The following CDH18 variants were observed in gnomAD, a reference collection of about 807,000 sequenced individuals.
CDH18 encodes cadherin 18.
Under a neutral mutation model 67.9 loss-of-function variants are expected in CDH18, and 31 were observed. That is an observed-to-expected ratio of 0.46 (90% CI 0.34 to 0.62). The LOEUF (loss-of-function observed/expected upper bound fraction) is 0.62, where lower values mean the gene tolerates loss of function less well. Ranked by LOEUF, CDH18 falls within the 20% of genes least tolerant of loss-of-function variation. The pLI, the probability that CDH18 is intolerant of heterozygous loss-of-function variation, is 0.01. For synonymous variants in CDH18, 362 were observed against 347.2 expected (o/e 1.04, Z -0.48); for missense variants, 890 against 975.5 (o/e 0.91, Z 1.17).
intron 2 of CDH18, among the ~76,000 whole-genome samples, chr5:20,037,012 G>T (rs1039145331): frequency 2.0e-5 from 3 of 151,806 alleles, no homozygotes; most frequent in African/African-American, 7.3e-5. Context: ...GTGTGTCTTT[G>T]CACGTGACAT....
At chr5:20,348,708 AT>A (rs1740909270) in intron 1 of CDH18, among the ~76,000 whole-genome samples, 2 of 152,206 alleles carry the variant, frequency 1.3e-5, no homozygotes, top group Non-Finnish European at 2.9e-5. Context: ...AAGAGAGTGC[AT>A]TCCTACACAT....
intron 2 of CDH18, among the ~76,000 whole-genome samples, chr5:20,207,412 T>A (rs888090388): frequency 5.3e-5 from 8 of 151,960 alleles, no homozygotes; most frequent in Non-Finnish European, 7.4e-5. Flanking sequence ...CCTGTATTAG[T>A]CCATTTTCAT....
intron 9 of CDH18, among the ~76,000 whole-genome samples, chr5:19,531,609 TCACA>T (rs10552517): frequency 0.051 from 7,627 of 148,720 alleles, 591 homozygotes; most frequent in African/African-American, 0.17. Flanking sequence ...ATGTGTGTTC[TCACA>T]CACACACACA....
intron 3 of CDH18, among the ~76,000 whole-genome samples, chr5:19,804,624 C>T (rs1777847505): frequency 6.6e-6 from 1 of 152,092 alleles, no homozygotes; most frequent in African/African-American, 2.4e-5. Context: ...ATGGTTTATT[C>T]CAGGGCCAGC....
chr5:20,082,943 C>T (rs1196049742), intron 2 of CDH18, among the ~76,000 whole-genome samples: 1 of 152,168 alleles, frequency 6.6e-6, no homozygotes, highest in Non-Finnish European at 1.5e-5. Context: ...CCCTTTGGAA[C>T]TGTGAGGCAG....
intron 4 of CDH18, among the ~76,000 whole-genome samples, chr5:19,743,921 CAAAAAAAAAA>C (rs140476096): frequency 7.6e-5 from 5 of 65,896 alleles, no homozygotes; most frequent in African/African-American, 2.6e-4. Flanking sequence ...ACTCTTGTCT[CAAAAAAAAAA>C]AAAAAAAAAA....
chr5:20,469,722 C>G (rs1751916713), intron 1 of CDH18, among the ~76,000 whole-genome samples: 2 of 152,122 alleles, frequency 1.3e-5, no homozygotes, highest in South Asian at 4.1e-4. Flanking sequence ...AGTCTATTCT[C>G]CACTCAGTAC....
At chr5:20,413,144 TC>T (rs1221674563) in intron 1 of CDH18, among the ~76,000 whole-genome samples, 1 of 152,204 alleles carries the variant, frequency 6.6e-6, no homozygotes, top group Non-Finnish European at 1.5e-5. Flanking sequence ...CATGAACTCA[TC>T]CTTTTTTATG....
intron 2 of CDH18, among the ~76,000 whole-genome samples, chr5:20,018,123 T>C (rs1004295330): frequency 1.1e-4 from 17 of 152,178 alleles, no homozygotes; most frequent in African/African-American, 4.1e-4. Context: ...GTAGGTACTA[T>C]TTTTCTCTTT....
At chr5:20,573,507 T>C (rs1758923430) in intron 1 of CDH18, among the ~76,000 whole-genome samples, 1 of 151,704 alleles carries the variant, frequency 6.6e-6, no homozygotes, top group Non-Finnish European at 1.5e-5. Flanking sequence ...GTAGAAGAAT[T>C]AGTTAAAACA....
At chr5:19,771,661 G>A (rs1265216173) in intron 3 of CDH18, among the ~76,000 whole-genome samples, 1 of 152,182 alleles carries the variant, frequency 6.6e-6, no homozygotes, top group East Asian at 1.9e-4. Context: ...AAGCCACTGA[G>A]TATTGGGGAA....
At chr5:19,906,459 A>T (rs1288822087) in intron 2 of CDH18, among the ~76,000 whole-genome samples, 1 of 151,942 alleles carries the variant, frequency 6.6e-6, no homozygotes, top group Non-Finnish European at 1.5e-5. Flanking sequence ...ATAAAATAAC[A>T]ATTATATTAA....
intron 5 of CDH18, among the ~76,000 whole-genome samples, chr5:19,628,351 G>C (rs1751870979): frequency 6.6e-6 from 1 of 152,104 alleles, no homozygotes; most frequent in Non-Finnish European, 1.5e-5. Context: ...TGTGAAAACA[G>C]ACTAATACAA....
intron 2 of CDH18, among the ~76,000 whole-genome samples, chr5:19,897,858 T>C (rs1455201586): frequency 2.0e-5 from 3 of 152,204 alleles, no homozygotes; most frequent in South Asian, 4.1e-4. Flanking sequence ...TCTATGAAAG[T>C]AGAAGTCAGG....
chr5:19,748,369 A>G (rs1232188211), intron 3 of CDH18, among the ~76,000 whole-genome samples: 1 of 152,106 alleles, frequency 6.6e-6, no homozygotes, highest in East Asian at 1.9e-4. Flanking sequence ...TACCTAAAAT[A>G]TTGAGATAAT....
In CDH18 at chr5:20,489,010, T is replaced by G. The variant is rs1182864879; in HGVS notation, c.-580+86452A>C. Among the ~76,000 whole-genome samples, 2 of 152,064 alleles carry G rather than the reference T, an allele frequency of 1.3e-5. 1 individual carries two copies. Among genetic ancestry groups the G allele is most frequent in the South Asian group, 4.1e-4 (2 of 4,828 alleles). On this transcript the variant is annotated intron_variant, in intron 1 of 14. Transcript: ENST00000507958. Reference sequence around the variant, plus strand: ...GAATACAGACTCCATATTCCTCAGATGTAGTTAAGATGGAAGCAGCTTCCA... The same window carrying G: ...GAATACAGACTCCATATTCCTCAGAGGTAGTTAAGATGGAAGCAGCTTCCA...
upstream of CDH18, among the ~76,000 whole-genome samples, chr5:19,990,239 C>G (rs1799906527): frequency 6.6e-6 from 1 of 152,176 alleles, no homozygotes; most frequent in African/African-American, 2.4e-5. Context: ...TGTTAAAATT[C>G]ACGTTATGAC....
At chr5:19,592,058 G>A (rs923770790) in intron 6 of CDH18, among the ~76,000 whole-genome samples, 9 of 151,972 alleles carry the variant, frequency 5.9e-5, no homozygotes, top group African/African-American at 1.9e-4. Flanking sequence ...CCCTATGATA[G>A]TATTCAACAG....
intron 3 of CDH18, among the ~76,000 whole-genome samples, chr5:19,823,878 C>T (rs1372354203): frequency 6.6e-6 from 1 of 152,096 alleles, no homozygotes; most frequent in Non-Finnish European, 1.5e-5. Context: ...GTTAAACATA[C>T]TCTCAGATCA....
Sources: gnomAD v4.1 joint callset for allele counts (sites outside exome capture counted in the v4.1 genomes callset) on GRCh38, gnomAD v4.1.1 for gene constraint, MANE v1.5 for transcripts, NCBI Gene and HGNC (gene_info 2026-07-23, HGNC 2026-07-21) for gene names.